PTGIR: variants seen among roughly 807,000 people sequenced by gnomAD.
The protein encoded by PTGIR is prostacyclin receptor.
A neutral mutation model predicts 17.6 loss-of-function variants in PTGIR; 16 were observed. The observed-to-expected ratio is 0.91, with a 90% CI of 0.61 to 1.38. PTGIR has a LOEUF of 1.38. Among genes scored for constraint, PTGIR ranks in the 40% most tolerant of loss-of-function variants. The probability of loss-of-function intolerance (pLI) is 0.00; values close to 1 mark genes in which losing one functional copy is unlikely to be tolerated. For synonymous variants in PTGIR, 274 were observed against 255.4 expected, an observed-to-expected ratio of 1.07 and a Z score of -0.69; for missense variants, 532 against 548.6, an observed-to-expected ratio of 0.97 and a Z score of 0.30.
In PTGIR at chr19:46,624,019, C is replaced by T. The variant is rs756395664; in HGVS notation, c.207G>A (p.Pro69=). 106 of 1,542,536 alleles carry T rather than the reference C, an allele frequency of 6.9e-5. 1 individual carries two copies. The highest frequency in any genetic ancestry group is 8.2e-5 in the African/African-American group (6 of 72,772). Residue 69 remains proline (P), a synonymous_variant, in exon 2 of 3, where the codon CCG becomes CCA. Transcript: ENST00000291294. The part of the protein sequence containing the change: ...TDLLGTSFLS[P]AVFVAYARNS... ...TGCGCGCATAGGCCACGAACACGGC[C>T]GGGCTCAGGAAGCTGGTGCCCAGCA...
In PTGIR at chr19:46,623,465, G is replaced by A; in HGVS notation, c.761C>T (p.Pro254Leu). 3 of 1,560,130 alleles carry A rather than the reference G, an allele frequency of 1.9e-6. No individual in the cohort carries two copies. ...GCTCCGGAGGGGACTCACCGTGAGA[G>A]GCAGGGAGCACACGGCCATGACCAC... ...MTVVMAVCSL[P>L]LTIRCFTQAV... The change falls in exon 2 of 3, where the codon CCT becomes CTT. Residue 254 changes from proline (P) to leucine (L), a missense_variant. Transcript: ENST00000291294.
Position 46,621,991 on chromosome 19 carries a change from G to A in PTGIR, c.769-319C>T, listed in dbSNP as rs548016097. The A allele has an allele frequency of 7.1e-6, 7 of 985,412 alleles. No homozygotes were observed. In the South Asian group the frequency reaches 2.3e-4, roughly 33 times the overall value. The allele number at this position is 985,412 out of a possible 1,614,324, so 61.0% of individuals were successfully genotyped here. Reference sequence around the variant, plus strand: ...GCAAGAAGGTGGCGCCACCCGGCTGGGCCCCCTGAAACTGCCGCAGAGCTG... The same window carrying A: ...GCAAGAAGGTGGCGCCACCCGGCTGAGCCCCCTGAAACTGCCGCAGAGCTG... On this transcript the variant is annotated intron_variant, in intron 2 of 2. Coordinates refer to ENST00000291294, the MANE Select transcript of PTGIR (RefSeq NM_000960.4). The surrounding 1 kb of genome is among the most constrained non-coding windows in gnomAD (Gnocchi z 4.8).
Position 46,621,135 on chromosome 19 carries a change from GC to G in PTGIR, c.*144del, listed in dbSNP as rs2122325575. 1.5e-6 allele frequency: 2 copies of G among 1,364,138 alleles called. No individual in the cohort carries two copies. Among genetic ancestry groups the G allele is most frequent in the African/African-American group, 2.9e-5 (2 of 68,168 alleles). 84.5% of individuals were successfully genotyped at this position (1,364,138 alleles called of 1,614,324 possible). A position where few individuals can be genotyped will look rare whatever the true frequency, so the allele number is the denominator to read the frequency against. ...TCTCTTCCCAGAGCCAGCAGCGACT[GC>G]CCTGCCGCAGGAGAAACAGCAGCTG... is the stretch of plus-strand genomic sequence containing the variant. On this transcript the variant is annotated 3_prime_UTR_variant, in exon 3 of 3. Transcript: ENST00000291294. The surrounding 1 kb of genome is among the most constrained non-coding windows in gnomAD (Gnocchi z 4.8).
At chr19:46,619,114 G>A (rs1216687086), downstream of PTGIR, among the ~76,000 whole-genome samples, 1 of 152,116 alleles carries the variant, frequency 6.6e-6, no homozygotes, top group Admixed American at 6.6e-5. Context: ...GTGGATAGAC[G>A]GGCCTGCTCC....
chr19:46,611,222 G>C, the PTGIR span, among the ~76,000 whole-genome samples: 1 of 152,230 alleles, frequency 6.6e-6, no homozygotes, highest in African/African-American at 2.4e-5. Flanking sequence ...CCTGAGGCAA[G>C]AGAAGCCCAG....
chr19:46,621,172 G>A lies in PTGIR; in HGVS notation c.*108C>T. The A allele has an allele frequency of 1.4e-6, 2 of 1,421,428 alleles. No homozygotes were observed. Among genetic ancestry groups the A allele is most frequent in the Non-Finnish European group, 1.8e-6 (2 of 1,084,320 alleles). 88.1% of individuals were successfully genotyped at this position (1,421,428 alleles called of 1,614,324 possible). A position where few individuals can be genotyped will look rare whatever the true frequency, so the allele number is the denominator to read the frequency against. ...GAGAAACAGCAGCTGATCGGCCCCA[G>A]AGTTTGGGGGCCAAGGTTCCAGCAT... On this transcript the variant is annotated 3_prime_UTR_variant, in exon 3 of 3. Coordinates refer to ENST00000291294, the MANE Select transcript of PTGIR (RefSeq NM_000960.4). This position sits in a 1 kb window ranked among gnomAD's most constrained non-coding sequence, Gnocchi z 4.8.
downstream of PTGIR, among the ~76,000 whole-genome samples, chr19:46,619,658 G>GAAAGAAAGA (rs1972029896): frequency 7.2e-4 from 82 of 114,488 alleles, no homozygotes; most frequent in South Asian, 1.5e-3. Context: ...AGAAAGAAAA[G>GAAAGAAAGA]AAAGAAAGAA....
At chr19:46,620,457 A>C, downstream of PTGIR, 1 of 985,498 alleles carries the variant, frequency 1.0e-6, no homozygotes, top group South Asian at 4.7e-5. Flanking sequence ...CTAAGGACAC[A>C]TAACATGAGG....
downstream of PTGIR, among the ~76,000 whole-genome samples, chr19:46,619,601 AAAGG>A (rs1365591379): frequency 1.4e-4 from 13 of 95,742 alleles, no homozygotes; most frequent in African/African-American, 3.3e-4. Context: ...GAAAAGAAAG[AAAGG>A]AAAGAAAGAA....
chr19:46,618,248 T>C (rs905339151), downstream of PTGIR, among the ~76,000 whole-genome samples: 9 of 152,112 alleles, frequency 5.9e-5, no homozygotes, highest in Non-Finnish European at 1.3e-4. Flanking sequence ...TCTCCTGACC[T>C]GGTGATCCGC....
intron 2 of PTGIR, chr19:46,622,988 T>A (rs142034390): frequency 0.15 from 22,944 of 149,322 alleles, 2,110 homozygotes; most frequent in Non-Finnish European, 0.22. Flanking sequence ...TTATTTTTTT[T>A]TTTTTTTTTT....
chr19:46,616,974 G>C (rs1199837697), downstream of PTGIR, among the ~76,000 whole-genome samples: 1 of 152,280 alleles, frequency 6.6e-6, no homozygotes, highest in African/African-American at 2.4e-5. Flanking sequence ...CGCTGAGGGA[G>C]GAGTGGTTGC....
chr19:46,621,881 G>T lies in PTGIR; in HGVS notation c.769-209C>A. ...TGCCAGAGATGCCTAAGGGGAGAGG[G>T]ATGGGGGCCAGGTATGTGGGTCCCC... On this transcript the variant is annotated intron_variant, in intron 2 of 2. Coordinates refer to ENST00000291294, the MANE Select transcript of PTGIR (RefSeq NM_000960.4). The surrounding 1 kb of genome is among the most constrained non-coding windows in gnomAD (Gnocchi z 4.8). 1 of 1,350,530 alleles carries T rather than the reference G, an allele frequency of 7.4e-7. No individual in the cohort carries two copies. The highest frequency in any genetic ancestry group is 9.5e-7 in the Non-Finnish European group (1 of 1,054,396). The allele number at this position is 1,350,530 out of a possible 1,614,324, so 83.7% of individuals were successfully genotyped here.
chr19:46,624,694 A>G (rs2052782662), intron 1 of PTGIR: 1 of 153,312 alleles, frequency 6.5e-6, no homozygotes, highest in African/African-American at 2.4e-5. Context: ...ACCTCAGGTG[A>G]TCCATCCACC....
At chr19:46,614,159 G>A in the PTGIR span, among the ~76,000 whole-genome samples, 3 of 152,170 alleles carry the variant, frequency 2.0e-5, no homozygotes, top group African/African-American at 7.2e-5. Flanking sequence ...CTCAAAACCT[G>A]TCCTGAGAAA....
chr19:46,616,120 G>A (rs1971957981), downstream of PTGIR, among the ~76,000 whole-genome samples: 1 of 151,870 alleles, frequency 6.6e-6, no homozygotes, highest in Admixed American at 6.6e-5. Flanking sequence ...ACATTTTTAT[G>A]TGATTATTCA....
At chr19:46,619,543 AAGAAAGAG>A (rs1425901604), downstream of PTGIR, among the ~76,000 whole-genome samples, 146 of 68,674 alleles carry the variant, frequency 2.1e-3, no homozygotes, top group Non-Finnish European at 2.7e-3. Flanking sequence ...GAAAGAAAGA[AAGAAAGAG>A]AGAGAGAGAG....
the PTGIR span, among the ~76,000 whole-genome samples, chr19:46,614,877 C>T: frequency 2.0e-5 from 3 of 152,114 alleles, no homozygotes; most frequent in African/African-American, 7.2e-5. Context: ...AAAAATTAGC[C>T]AGGCGGTAGT....
At chr19:46,620,392 G>A (rs1006070342), downstream of PTGIR, 4 of 975,318 alleles carry the variant, frequency 4.1e-6, no homozygotes, top group African/African-American at 1.8e-5. Context: ...ATGTGCTATG[G>A]TGCCCAGCCA....
Sources: gnomAD v4.1 joint callset for allele counts (sites outside exome capture counted in the v4.1 genomes callset) on GRCh38, gnomAD v4.1.1 for gene constraint, Gnocchi (gnomAD v3.1) non-coding constraint, MANE v1.5 for transcripts, NCBI Gene and HGNC (gene_info 2026-07-23, HGNC 2026-07-21) for gene names.